Variants in NRDC observed in about 807,000 individuals in gnomAD.
The protein encoded by NRDC is nardilysin convertase, also known as nardilysin.
In NRDC, 54 loss-of-function variants were observed where a neutral mutation model predicts 147.1. That is an observed-to-expected ratio of 0.37 (90% CI 0.29 to 0.46). The LOEUF (loss-of-function observed/expected upper bound fraction) is 0.46. Ranked by LOEUF, NRDC falls within the 20% of genes least tolerant of loss-of-function variation. The pLI, the probability that NRDC is intolerant of heterozygous loss-of-function variation, is 1.00. For synonymous variants in NRDC, 440 were observed against 482.1 expected (o/e 0.91, Z 1.14); for missense variants, 1,082 against 1,370.6 (o/e 0.79, Z 3.33).
At chr1:51,799,210 T>C (rs1679071524) in intron 21 of NRDC, 1 of 152,210 alleles carries the variant, frequency 6.6e-6, no homozygotes, top group Admixed American at 6.5e-5. Flanking sequence ...TTTTTTATTA[T>C]TATACTTTAA....
chr1:51,790,540 G>T lies in NRDC; in HGVS notation c.3161C>A (p.Ala1054Asp). 1 of 1,608,944 alleles carries T rather than the reference G, an allele frequency of 6.2e-7. No homozygotes were observed. The highest frequency in any genetic ancestry group is 8.5e-7 in the Non-Finnish European group (1 of 1,175,340). Residue 1054 changes from alanine to aspartate, a missense_variant, in exon 29 of 31, where the codon GCC becomes GAC. Ala to Asp is a moderately radical substitution (Grantham distance 126). Coordinates refer to ENST00000352171, the MANE Select transcript of NRDC (RefSeq NM_001101662.2). ...CTCTGAAAACCATGTTACCTCGTGG[G>T]CAAGGCGGTCAAAGAGGTACTGCTG... ...VTQQYLFDRLAHEIEALKSFS... is the reference protein window; with the variant it reads ...VTQQYLFDRLDHEIEALKSFS...
intron 1 of NRDC, among the ~76,000 whole-genome samples, chr1:51,849,270 C>T (rs1219273551): frequency 1.3e-5 from 2 of 151,810 alleles, no homozygotes; most frequent in South Asian, 2.1e-4. Context: ...TGGTGGTGAG[C>T]GCCTGTAGTC....
chr1:51,869,147 G>C (rs1682962413), intron 1 of NRDC, among the ~76,000 whole-genome samples: 2 of 151,946 alleles, frequency 1.3e-5, no homozygotes, highest in Admixed American at 1.3e-4. Flanking sequence ...GTAGGGTCTT[G>C]TTTTGTTACC....
At chr1:51,835,275 G>A (rs1201205715) in intron 3 of NRDC, among the ~76,000 whole-genome samples, 3 of 151,792 alleles carry the variant, frequency 2.0e-5, no homozygotes, top group Non-Finnish European at 2.9e-5. Flanking sequence ...TGGCCAGGCT[G>A]GTCTCGAACT....
At chr1:51,810,569 A>C (rs1311835179) in intron 15 of NRDC, among the ~76,000 whole-genome samples, 165 bp from the exon 16 acceptor site, 1 of 152,228 alleles carries the variant, frequency 6.6e-6, no homozygotes, top group African/African-American at 2.4e-5. Flanking sequence ...AGTGTTTCAA[A>C]AACTTTTTTC....
chr1:51,855,468 T>TAA, intron 1 of NRDC, among the ~76,000 whole-genome samples: 1 of 150,482 alleles, frequency 6.6e-6, no homozygotes, highest in Non-Finnish European at 1.5e-5. Flanking sequence ...CCAAACAAGA[T>TAA]AAAAAATCCA....
chr1:51,838,728 CT>C (rs1008801776), intron 2 of NRDC, among the ~76,000 whole-genome samples: 4 of 151,026 alleles, frequency 2.6e-5, no homozygotes, highest in South Asian at 2.1e-4. Flanking sequence ...TGTCAGTGTT[CT>C]TTTTTTTTGT....
At chr1:51,866,666 G>A (rs80242686) in intron 1 of NRDC, among the ~76,000 whole-genome samples, 1 of 150,992 alleles carries the variant, frequency 6.6e-6, no homozygotes, top group Non-Finnish European at 1.5e-5. Context: ...TTATTGACAT[G>A]GATAAATCTC....
intron 6 of NRDC, among the ~76,000 whole-genome samples, chr1:51,824,414 G>A (rs1242461472): frequency 2.0e-5 from 3 of 151,988 alleles, no homozygotes; most frequent in Non-Finnish European, 2.9e-5. Context: ...GTGAGCCACC[G>A]CGCCCGGCTA....
chr1:51,853,047 C>A (rs1029512506), intron 1 of NRDC, among the ~76,000 whole-genome samples: 1 of 151,820 alleles, frequency 6.6e-6, no homozygotes, highest in African/African-American at 2.4e-5. Context: ...CATGGTGAAA[C>A]CCTGTCTCTA....
intron 1 of NRDC, among the ~76,000 whole-genome samples, chr1:51,851,662 A>G (rs1681955924): frequency 6.6e-6 from 1 of 152,168 alleles, no homozygotes; most frequent in Non-Finnish European, 1.5e-5. Flanking sequence ...AAATTTTAAA[A>G]TAATCTCAGG....
Position 51,878,390 on chromosome 1 carries a change from T to C in NRDC, c.226A>G (p.Ser76Gly). ...QPNGQDLGENSRVARLGADES... is the reference protein window; with the variant it reads ...QPNGQDLGENGRVARLGADES... ...TCCGCTCCTAGACGGGCAACCCGGCTGTTCTCGCCCAGATCCTGTCCATTG... is the reference window on the plus strand; with the variant it reads ...TCCGCTCCTAGACGGGCAACCCGGCCGTTCTCGCCCAGATCCTGTCCATTG... The change falls in exon 1 of 31, where the codon AGC becomes GGC. Residue 76 changes from serine to glycine, a missense_variant. By Grantham distance (56) the Ser-to-Gly change is moderately conservative (BLOSUM62 0). Transcript: ENST00000352171. 2.5e-6 allele frequency: 4 copies of C among 1,614,186 alleles called. No individual in the cohort carries two copies. The highest frequency in any genetic ancestry group is 3.4e-6 in the Non-Finnish European group (4 of 1,180,044).
At chr1:51,876,891 T>TA (rs374614009) in intron 1 of NRDC, among the ~76,000 whole-genome samples, 21 of 152,314 alleles carry the variant, frequency 1.4e-4, no homozygotes, top group African/African-American at 4.3e-4. Flanking sequence ...AAGAAATTTG[T>TA]AAAAAATCGG....
intron 24 of NRDC, 70 bp from the exon 25 acceptor site, chr1:51,792,494 T>C: frequency 3.5e-6 from 5 of 1,445,486 alleles, no homozygotes; most frequent in Non-Finnish European, 4.9e-6. Flanking sequence ...AATCCAGCTA[T>C]TCTAGGCAAC....
intron 1 of NRDC, among the ~76,000 whole-genome samples, chr1:51,849,643 C>T (rs746191761): frequency 3.2e-4 from 49 of 151,230 alleles, no homozygotes; most frequent in African/African-American, 1.0e-3. Flanking sequence ...GGTGAAACCC[C>T]GTCTCTACTA....
intron 1 of NRDC, among the ~76,000 whole-genome samples, chr1:51,855,745 C>A (rs964600608): frequency 1.3e-5 from 2 of 152,054 alleles, no homozygotes; most frequent in East Asian, 3.9e-4. Flanking sequence ...TGGTGACGCA[C>A]CCCTGTAATC....
chr1:51,820,254 A>G (rs919055392), intron 8 of NRDC, among the ~76,000 whole-genome samples: 2 of 152,210 alleles, frequency 1.3e-5, no homozygotes, highest in Non-Finnish European at 2.9e-5. Context: ...CATGAAGTGA[A>G]TATTAGGTAT....
At chr1:51,794,396 A>G (rs1341989342) in intron 24 of NRDC, 76 bp downstream of exon 24, 2 of 1,432,642 alleles carry the variant, frequency 1.4e-6, no homozygotes, top group African/African-American at 2.8e-5. Context: ...GTAACTATAA[A>G]AGGGCCTTGA....
At chr1:51,847,497 G>A (rs1009945834) in intron 1 of NRDC, among the ~76,000 whole-genome samples, 20 of 152,236 alleles carry the variant, frequency 1.3e-4, no homozygotes, top group African/African-American at 4.3e-4. Flanking sequence ...CAGGCACGGC[G>A]GGCTGCAGGT....
Sources: gnomAD v4.1 joint callset for allele counts (sites outside exome capture counted in the v4.1 genomes callset) on GRCh38, gnomAD v4.1.1 for gene constraint, MANE v1.5 for transcripts, NCBI Gene and HGNC (gene_info 2026-07-23, HGNC 2026-07-21) for gene names.